Variants in DOK6 observed in about 807,000 individuals in gnomAD.
The protein encoded by DOK6 is downstream of tyrosine kinase 6.
A neutral mutation model predicts 44.0 loss-of-function variants in DOK6; 22 were observed. The ratio of observed to expected loss-of-function variants is 0.50; its 90% confidence interval spans 0.36 to 0.71. DOK6 has a LOEUF of 0.71. DOK6 is among the 30% of genes least tolerant of loss of function. The probability of loss-of-function intolerance (pLI) is 0.00; values close to 1 mark genes in which losing one functional copy is unlikely to be tolerated. For synonymous variants in DOK6, 166 were observed against 145.5 expected (o/e 1.14, Z -1.01); for missense variants, 340 against 416.4 (o/e 0.82, Z 1.60).
chr18:69,705,360 G>GTT (rs1264040920), intron 5 of DOK6, among the ~76,000 whole-genome samples: 1 of 151,846 alleles, frequency 6.6e-6, no homozygotes, highest in African/African-American at 2.4e-5. Flanking sequence ...TTCTTGGTTT[G>GTT]TTTTTGTTTT....
At chr18:69,678,539 C>T (rs1158007978) in intron 4 of DOK6, among the ~76,000 whole-genome samples, 1 of 152,130 alleles carries the variant, frequency 6.6e-6, no homozygotes, top group Non-Finnish European at 1.5e-5. Flanking sequence ...GCTAATATTA[C>T]AAGGAAGAAA....
At chr18:69,521,571 A>G (rs1442677) in intron 1 of DOK6, among the ~76,000 whole-genome samples, 92,328 of 151,640 alleles carry the variant, frequency 0.61, 28,906 homozygotes, top group Non-Finnish European at 0.69. Flanking sequence ...TAAAAACACC[A>G]ATGTTTAATT....
intron 5 of DOK6, among the ~76,000 whole-genome samples, chr18:69,724,366 A>G (rs1978296098): frequency 6.6e-6 from 1 of 152,230 alleles, no homozygotes; most frequent in Non-Finnish European, 1.5e-5. Flanking sequence ...TAGAGAAGAT[A>G]GCATTGAAAA....
At chr18:69,567,235 A>G (rs534712122) in intron 2 of DOK6, among the ~76,000 whole-genome samples, 13 of 152,324 alleles carry the variant, frequency 8.5e-5, no homozygotes, top group African/African-American at 2.4e-4. Flanking sequence ...ACAGTATTAG[A>G]AAGATGGTCC....
At position 69,843,065 on chromosome 18, in the gene DOK6, C is replaced by T. The variant is rs1345911950; in HGVS notation, c.*1682C>T. On this transcript the variant is annotated 3_prime_UTR_variant, in exon 8 of 8. Transcript: ENST00000382713. ...TACCGAATAAAAGTGGTTCCGGATC[C>T]CTCCTAGATAAATGTGCACTTACAG... is the stretch of plus-strand genomic sequence containing the variant. 6.6e-6 allele frequency: 1 copy of T among 152,028 alleles called. No homozygotes were observed. The highest frequency in any genetic ancestry group is 1.5e-5 in the Non-Finnish European group (1 of 68,014). 9.4% of individuals were successfully genotyped at this position (152,028 alleles called of 1,614,324 possible).
rs1982404106 is a variant in DOK6, at chr18:69,848,588, T to C, written c.*7205T>C. The C allele has an allele frequency of 6.6e-6, 1 of 152,202 alleles. No homozygotes were observed. Among genetic ancestry groups the C allele is most frequent in the Non-Finnish European group, 1.5e-5 (1 of 68,030 alleles). 9.4% of individuals were successfully genotyped at this position (152,202 alleles called of 1,614,324 possible). On this transcript the variant is annotated 3_prime_UTR_variant, in exon 8 of 8. Coordinates refer to ENST00000382713, the MANE Select transcript of DOK6 (RefSeq NM_152721.6). ...ATGAGGCAATAATAAAATTAGGAAATTAAATTATTTTTAAATCTGTCTGTG... is the reference window on the plus strand; with the variant it reads ...ATGAGGCAATAATAAAATTAGGAAACTAAATTATTTTTAAATCTGTCTGTG...
At chr18:69,451,039 G>A (rs1294342438) in intron 1 of DOK6, among the ~76,000 whole-genome samples, 1 of 144,046 alleles carries the variant, frequency 6.9e-6, no homozygotes, top group African/African-American at 2.6e-5. Flanking sequence ...CATAATGACA[G>A]GATCAAATTC....
chr18:69,556,915 G>A (rs1036711168), intron 1 of DOK6, among the ~76,000 whole-genome samples: 2 of 152,152 alleles, frequency 1.3e-5, no homozygotes, highest in Non-Finnish European at 2.9e-5. Context: ...TACTACACAC[G>A]TTTTGTCAAA....
At chr18:69,473,578 A>G (rs1384649730) in intron 1 of DOK6, among the ~76,000 whole-genome samples, 1 of 152,154 alleles carries the variant, frequency 6.6e-6, no homozygotes, top group Non-Finnish European at 1.5e-5. Flanking sequence ...TCTTGCACCC[A>G]GCACTGTCAG....
chr18:69,645,721 T>C (rs1459656741), intron 3 of DOK6, among the ~76,000 whole-genome samples: 1 of 152,104 alleles, frequency 6.6e-6, no homozygotes, highest in Non-Finnish European at 1.5e-5. Context: ...AAAAAAAACC[T>C]TGTACATAAT....
chr18:69,596,488 A>C (rs550317772), intron 2 of DOK6, among the ~76,000 whole-genome samples: 2 of 152,286 alleles, frequency 1.3e-5, no homozygotes, highest in South Asian at 4.1e-4. Flanking sequence ...GCAGCAAAAG[A>C]AAAACTGCTC....
At chr18:69,631,428 G>A (rs771974112) in intron 3 of DOK6, among the ~76,000 whole-genome samples, 1 of 152,150 alleles carries the variant, frequency 6.6e-6, no homozygotes, top group Non-Finnish European at 1.5e-5. Flanking sequence ...GAGACCTTCA[G>A]TGAATAGCAT....
intron 7 of DOK6, among the ~76,000 whole-genome samples, chr18:69,807,384 A>G (rs906687696): frequency 6.6e-6 from 1 of 152,028 alleles, no homozygotes; most frequent in Non-Finnish European, 1.5e-5. Context: ...GAACGCAGCA[A>G]ATGATCTACA....
chr18:69,468,359 T>C (rs1777190989), intron 1 of DOK6, among the ~76,000 whole-genome samples: 1 of 152,232 alleles, frequency 6.6e-6, no homozygotes, highest in African/African-American at 2.4e-5. Context: ...TTACATGTTA[T>C]ATGCTTGTAT....
At chr18:69,670,013 C>T (rs1414397136) in intron 3 of DOK6, among the ~76,000 whole-genome samples, 1 of 152,182 alleles carries the variant, frequency 6.6e-6, no homozygotes, top group Non-Finnish European at 1.5e-5. Context: ...TTCCGAAGGA[C>T]AAAAGTCCAA....
chr18:69,582,615 T>C (rs1338826986), intron 2 of DOK6, among the ~76,000 whole-genome samples: 4 of 152,190 alleles, frequency 2.6e-5, no homozygotes, highest in Non-Finnish European at 5.9e-5. Context: ...TTAGCTATCA[T>C]CAGTGGTTTC....
At chr18:69,642,294 T>C (rs1441074810) in intron 3 of DOK6, among the ~76,000 whole-genome samples, 1 of 152,218 alleles carries the variant, frequency 6.6e-6, no homozygotes, top group African/African-American at 2.4e-5. Context: ...ACATTTGATG[T>C]TTTCTTCTTC....
intron 7 of DOK6, among the ~76,000 whole-genome samples, chr18:69,795,314 A>T (rs1482244080): frequency 6.6e-6 from 1 of 152,160 alleles, no homozygotes; most frequent in African/African-American, 2.4e-5. Flanking sequence ...AGGCTGTTTA[A>T]GCTTTAAAAT....
chr18:69,510,618 A>G (rs1405197647), intron 1 of DOK6, among the ~76,000 whole-genome samples: 1 of 152,200 alleles, frequency 6.6e-6, no homozygotes, highest in Non-Finnish European at 1.5e-5. Context: ...AATGGTCTAT[A>G]TATCTGTATA....
Sources: gnomAD v4.1 joint callset for allele counts (sites outside exome capture counted in the v4.1 genomes callset) on GRCh38, gnomAD v4.1.1 for gene constraint, MANE v1.5 for transcripts, NCBI Gene and HGNC (gene_info 2026-07-23, HGNC 2026-07-21) for gene names.